NCKAP5: variants seen among roughly 807,000 people sequenced by gnomAD.
NCKAP5 encodes nck-associated protein 5.
A neutral mutation model predicts 167.0 loss-of-function variants in NCKAP5; 92 were observed. The ratio of observed to expected loss-of-function variants is 0.55; its 90% confidence interval spans 0.47 to 0.66. The LOEUF (loss-of-function observed/expected upper bound fraction) is 0.66. Ranked by LOEUF, NCKAP5 falls within the 30% of genes least tolerant of loss-of-function variation. The pLI, the probability that NCKAP5 is intolerant of heterozygous loss-of-function variation, is 0.00. For missense variants in NCKAP5, 2,378 were observed against 2,315.0 expected (o/e 1.03, Z -0.56); for synonymous variants, 891 against 877.4 (o/e 1.02, Z -0.27).
At chr2:132,839,693 G>A (rs1161190164) in intron 11 of NCKAP5, among the ~76,000 whole-genome samples, 1 of 149,468 alleles carries the variant, frequency 6.7e-6, no homozygotes, top group African/African-American at 2.5e-5. Context: ...AAGAGGTTGA[G>A]GCTATAGTGA....
At chr2:132,944,759 G>A (rs549716868) in intron 8 of NCKAP5, among the ~76,000 whole-genome samples, 9 of 152,278 alleles carry the variant, frequency 5.9e-5, no homozygotes, top group South Asian at 2.1e-4. Context: ...TTTTGAGCAC[G>A]TAGAGCTATC....
chr2:133,275,139 T>G (rs1232405936), intron 4 of NCKAP5, among the ~76,000 whole-genome samples: 1 of 151,936 alleles, frequency 6.6e-6, no homozygotes, highest in Non-Finnish European at 1.5e-5. Flanking sequence ...GATAGTTAAG[T>G]GGCAATAACT....
At chr2:133,077,366 T>G (rs542710820) in intron 6 of NCKAP5, among the ~76,000 whole-genome samples, 1 of 152,104 alleles carries the variant, frequency 6.6e-6, no homozygotes, top group Non-Finnish European at 1.5e-5. Flanking sequence ...CAGAAAGACA[T>G]GTGTTTTTAA....
intron 3 of NCKAP5, among the ~76,000 whole-genome samples, chr2:133,335,554 C>T (rs537735264): frequency 1.2e-4 from 18 of 152,058 alleles, no homozygotes; most frequent in East Asian, 3.9e-4. Flanking sequence ...ATTTTAAATC[C>T]GCCACTTGTT....
intron 8 of NCKAP5, among the ~76,000 whole-genome samples, chr2:132,895,151 G>A (rs1373104198): frequency 2.0e-5 from 3 of 151,810 alleles, no homozygotes; most frequent in East Asian, 2.0e-4. Context: ...CTAACACGGT[G>A]AAACCCCGTC....
chr2:133,002,916 A>G (rs2077835921), intron 6 of NCKAP5, among the ~76,000 whole-genome samples: 1 of 152,214 alleles, frequency 6.6e-6, no homozygotes. Flanking sequence ...GCGACTAGTC[A>G]GAGAAGTAGA....
chr2:133,647,420 A>AAGG, the NCKAP5 span, among the ~76,000 whole-genome samples: 321 of 59,364 alleles, frequency 5.4e-3, 27 homozygotes, highest in African/African-American at 0.026. Context: ...AGGAAGGAAG[A>AAGG]GAAAGAAAGG....
At chr2:133,007,542 A>G (rs994088373) in intron 6 of NCKAP5, among the ~76,000 whole-genome samples, 1 of 152,132 alleles carries the variant, frequency 6.6e-6, no homozygotes, top group African/African-American at 2.4e-5. Context: ...TGGAGTAACA[A>G]CCCCAACCTC....
At chr2:133,346,678 G>A (rs1478872479) in intron 3 of NCKAP5, among the ~76,000 whole-genome samples, 6 of 152,150 alleles carry the variant, frequency 3.9e-5, no homozygotes, top group South Asian at 2.1e-4. Flanking sequence ...TATGGTCATC[G>A]GACTGGGCCA....
At chr2:132,908,913 A>G (rs1694215089) in intron 8 of NCKAP5, among the ~76,000 whole-genome samples, 1 of 152,248 alleles carries the variant, frequency 6.6e-6, no homozygotes, top group Non-Finnish European at 1.5e-5. Context: ...AATCTTTCCA[A>G]CTGAAAGATC....
chr2:133,167,712 G>C (rs2084058084), intron 5 of NCKAP5, among the ~76,000 whole-genome samples: 1 of 152,158 alleles, frequency 6.6e-6, no homozygotes, highest in African/African-American at 2.4e-5. Flanking sequence ...AACTAGCCAT[G>C]TCACCTTATA....
chr2:132,997,506 A>G (rs2077639362), intron 6 of NCKAP5, among the ~76,000 whole-genome samples: 2 of 152,306 alleles, frequency 1.3e-5, no homozygotes, highest in South Asian at 4.1e-4. Flanking sequence ...TACTTTTAAA[A>G]AATCATTCTA....
intron 8 of NCKAP5, among the ~76,000 whole-genome samples, chr2:132,957,782 C>T (rs1022956015): frequency 4.6e-5 from 7 of 152,140 alleles, no homozygotes; most frequent in Admixed American, 1.3e-4. Context: ...GGTCATAAGA[C>T]CCCTATTCTA....
At chr2:133,475,948 G>A (rs775008813) in intron 3 of NCKAP5, among the ~76,000 whole-genome samples, 4 of 152,122 alleles carry the variant, frequency 2.6e-5, no homozygotes, top group African/African-American at 7.2e-5. Context: ...TTAATCCAAA[G>A]AAACCCAACA....
intron 3 of NCKAP5, among the ~76,000 whole-genome samples, chr2:133,457,721 A>C (rs997357835): frequency 2.0e-5 from 3 of 152,166 alleles, no homozygotes; most frequent in Non-Finnish European, 2.9e-5. Context: ...TAATTTGAAA[A>C]AAGGAAATCT....
At chr2:132,918,460 G>A (rs1050545188) in intron 8 of NCKAP5, among the ~76,000 whole-genome samples, 3 of 151,960 alleles carry the variant, frequency 2.0e-5, no homozygotes, top group Non-Finnish European at 4.4e-5. Context: ...GTTTGTCATG[G>A]TACATTCAGC....
At chr2:132,967,162 TACACACACACAC>T (rs149896546) in intron 7 of NCKAP5, among the ~76,000 whole-genome samples, 219 of 141,842 alleles carry the variant, frequency 1.5e-3, no homozygotes, top group African/African-American at 5.3e-3. Context: ...TGCCCTATCG[TACACACACACAC>T]ACACACACAC....
chr2:133,029,145 A>G (rs561838087), intron 6 of NCKAP5, among the ~76,000 whole-genome samples: 1 of 152,314 alleles, frequency 6.6e-6, no homozygotes. Flanking sequence ...GTTCTCGGCT[A>G]TGTCCTAGGG....
At chr2:133,340,020 C>T (rs1488249558) in intron 3 of NCKAP5, among the ~76,000 whole-genome samples, 1 of 152,204 alleles carries the variant, frequency 6.6e-6, no homozygotes, top group East Asian at 1.9e-4. Flanking sequence ...CAAACTTCCA[C>T]TCTTGTGCCC....
Sources: gnomAD v4.1 joint callset for allele counts (sites outside exome capture counted in the v4.1 genomes callset) on GRCh38, gnomAD v4.1.1 for gene constraint, MANE v1.5 for transcripts, NCBI Gene and HGNC (gene_info 2026-07-23, HGNC 2026-07-21) for gene names.